Variants in CSF2RA observed in about 807,000 individuals in gnomAD.
The protein encoded by CSF2RA is granulocyte-macrophage colony-stimulating factor receptor subunit alpha.
CSF2RA carries 42 observed loss-of-function variants against 51.6 expected under a neutral mutation model. That is an observed-to-expected ratio of 0.81 (90% CI 0.64 to 1.05). The LOEUF (loss-of-function observed/expected upper bound fraction) is 1.05. Ranked by LOEUF, CSF2RA falls within the 50% of genes least tolerant of loss-of-function variation. CSF2RA has a pLI of 0.00. For synonymous variants in CSF2RA, 222 were observed against 193.0 expected, an observed-to-expected ratio of 1.15 and a Z score of -1.24; for missense variants, 530 against 501.1, an observed-to-expected ratio of 1.06 and a Z score of -0.55.
In CSF2RA at chrX:1,288,641, A is replaced by C; in HGVS notation, c.342A>C (p.Ser114=). The part of the protein sequence containing the change: ...GFQQKLLYPN[S]GREGTAAQNF... ...AACAGAAACTGCTTTATCCAAATTCAGGTAAGCAAGACAGCTCAGGGATCC... is the reference window on the plus strand; with the variant it reads ...AACAGAAACTGCTTTATCCAAATTCCGGTAAGCAAGACAGCTCAGGGATCC... Residue 114 remains serine (S), a splice_region_variant and synonymous_variant, in exon 5 of 13, where the codon TCA becomes TCC. Coordinates refer to ENST00000381529, the MANE Select transcript of CSF2RA (RefSeq NM_172245.4). 6.2e-7 allele frequency: 1 copy of C among 1,613,984 alleles called. No individual in the cohort carries two copies. Among genetic ancestry groups the C allele is most frequent in the Non-Finnish European group, 8.5e-7 (1 of 1,179,864 alleles).
At chrX:1,279,933 GCAC>G (rs1338840877) in intron 2 of CSF2RA, among the ~76,000 whole-genome samples, 1 of 151,906 alleles carries the variant, frequency 6.6e-6, no homozygotes, top group Admixed American at 6.6e-5. Context: ...GGGATTACAG[GCAC>G]CCACCACCCC....
rs746077422 is a variant in CSF2RA, at chrX:1,305,452, T to C, written c.1050T>C (p.Leu350=). Residue 350 remains leucine, a synonymous_variant, in exon 12 of 13, where the codon CTT becomes CTC. Transcript: ENST00000381529. ...IVLGFLFKRF[L]RIQRLFPPVP... ...CTTTTTCTCTGTGTCTCAGGTTCCT[T>C]AGGATACAGCGGCTGTTCCCGCCAG... 2.5e-6 allele frequency: 4 copies of C among 1,613,956 alleles called. No individual in the cohort carries two copies. Among genetic ancestry groups the C allele is most frequent in the South Asian group, 1.1e-5 (1 of 91,080 alleles).
chrX:1,283,823 C>T (rs758911987), intron 3 of CSF2RA, among the ~76,000 whole-genome samples: 24 of 152,080 alleles, frequency 1.6e-4, no homozygotes, highest in Admixed American at 1.1e-3. Context: ...CGTGCCTCGG[C>T]CTCCCAAAGT....
At chrX:1,285,678 G>A (rs2090545497) in intron 3 of CSF2RA, 100 bp from the exon 4 acceptor site, 2 of 1,377,722 alleles carry the variant, frequency 1.5e-6, no homozygotes, top group African/African-American at 1.6e-5. Context: ...CTCCAGCCTG[G>A]GAGACAAAGC....
At chrX:1,314,455 CTGCACCTGCCCAACCCCAA>C (rs1426431352), downstream of CSF2RA, among the ~76,000 whole-genome samples, 70 of 149,464 alleles carry the variant, frequency 4.7e-4, no homozygotes, top group African/African-American at 1.6e-3. Flanking sequence ...CCCAATTGCA[CTGCACCTGCCCAACCCCAA>C]TGCACCTACC....
chrX:1,323,252 G>A, the CSF2RA span, among the ~76,000 whole-genome samples: 2 of 150,744 alleles, frequency 1.3e-5, no homozygotes, highest in Admixed American at 6.6e-5. Context: ...GGTGGCTCAC[G>A]CCTGTAATTT....
At chrX:1,301,754 G>A (rs1245282282) in intron 10 of CSF2RA, among the ~76,000 whole-genome samples, 27 of 149,270 alleles carry the variant, frequency 1.8e-4, no homozygotes, top group Non-Finnish European at 8.9e-5. Flanking sequence ...CCATCACCAC[G>A]CCTGGCTAAT....
intron 9 of CSF2RA, among the ~76,000 whole-genome samples, chrX:1,300,005 G>C (rs774357281): frequency 2.6e-5 from 4 of 151,300 alleles, no homozygotes; most frequent in Non-Finnish European, 4.4e-5. Context: ...ATCACGAGGT[G>C]AGGAGATCGA....
intron 7 of CSF2RA, among the ~76,000 whole-genome samples, chrX:1,292,141 C>T (rs762855458): frequency 9.2e-5 from 14 of 151,942 alleles, no homozygotes; most frequent in South Asian, 4.2e-4. Flanking sequence ...CCCTACTCCA[C>T]GTCCACCTGG....
In CSF2RA at chrX:1,303,974, T is replaced by G; in HGVS notation, c.998T>G (p.Val333Gly). The change falls in exon 11 of 13, where the codon GTG becomes GGG. Residue 333 changes from valine (V) to glycine (G), a missense_variant. Physicochemically the swap from Val to Gly is moderately radical, Grantham distance 109. Transcript: ENST00000381529. Reference sequence around the variant, plus strand: ...GTGTACATTTATGTGCTCCTAATCGTGGGAACCCTTGTCTGTGGCATCGTC... The same window carrying G: ...GTGTACATTTATGTGCTCCTAATCGGGGGAACCCTTGTCTGTGGCATCGTC... ...GSVYIYVLLI[V>G]GTLVCGIVLG... 2 of 1,613,350 alleles carry G rather than the reference T, an allele frequency of 1.2e-6. No individual in the cohort carries two copies. Among genetic ancestry groups the G allele is most frequent in the South Asian group, 1.1e-5 (1 of 91,034 alleles).
At chrX:1,294,538 C>T (rs1367160850) in intron 8 of CSF2RA, 77 bp downstream of exon 8, 55 of 1,593,018 alleles carry the variant, frequency 3.5e-5, no homozygotes, top group African/African-American at 3.4e-4. Flanking sequence ...CTGGGAATCC[C>T]GGGGAAGTGG....
chrX:1,305,407 C>T (rs372498632), intron 11 of CSF2RA, 39 bp from the exon 12 acceptor site: 18 of 1,610,510 alleles, frequency 1.1e-5, no homozygotes, highest in African/African-American at 2.7e-5. Context: ...TCTGGTGACC[C>T]GGGGTTCATT....
the CSF2RA span, among the ~76,000 whole-genome samples, chrX:1,323,420 A>T: frequency 1.3e-5 from 2 of 151,942 alleles, no homozygotes; most frequent in Non-Finnish European, 2.9e-5. Context: ...ACTGGCAGGG[A>T]TGGCTGCAGA....
chrX:1,309,970 A>G, downstream of CSF2RA: 1 of 512,546 alleles, frequency 2.0e-6, no homozygotes, highest in Non-Finnish European at 3.4e-6. Flanking sequence ...AACACTTTGG[A>G]GGATTGCTGG....
chrX:1,270,684 C>T (rs146110852), intron 1 of CSF2RA, among the ~76,000 whole-genome samples: 1,533 of 151,672 alleles, frequency 0.01, 20 homozygotes, highest in Non-Finnish European at 0.018. Flanking sequence ...TATCTTGCGT[C>T]AGGAATGGCT....
downstream of CSF2RA, among the ~76,000 whole-genome samples, chrX:1,313,234 G>C (rs1163411896): frequency 6.6e-6 from 1 of 151,694 alleles, no homozygotes. Flanking sequence ...AACCAGCCTG[G>C]CCAACGTGGT....
At chrX:1,311,578 C>T (rs748055096), downstream of CSF2RA, among the ~76,000 whole-genome samples, 55 of 151,980 alleles carry the variant, frequency 3.6e-4, no homozygotes, top group Admixed American at 2.6e-3. Flanking sequence ...GGAGTACAGG[C>T]GCCCGCCACC....
At chrX:1,318,945 G>A in the CSF2RA span, among the ~76,000 whole-genome samples, 1 of 150,428 alleles carries the variant, frequency 6.6e-6, no homozygotes, top group Non-Finnish European at 1.5e-5. Context: ...AAATTGCAAA[G>A]CTTCCTTTCG....
chrX:1,303,326 C>A, intron 10 of CSF2RA: 1 of 430,054 alleles, frequency 2.3e-6, no homozygotes, highest in South Asian at 7.1e-5. Flanking sequence ...ACCTCCGTCT[C>A]CCAGGCTCAA....
Sources: gnomAD v4.1 joint callset for allele counts (sites outside exome capture counted in the v4.1 genomes callset) on GRCh38, gnomAD v4.1.1 for gene constraint, MANE v1.5 for transcripts, NCBI Gene and HGNC (gene_info 2026-07-23, HGNC 2026-07-21) for gene names.